Variants in LARGE1 observed in about 807,000 individuals in gnomAD.
LARGE1 encodes xylosyl- and glucuronyltransferase LARGE1.
LARGE1 carries 43 observed loss-of-function variants against 87.6 expected under a neutral mutation model. That is an observed-to-expected ratio of 0.49 (90% CI 0.38 to 0.63). The LOEUF is 0.63. LARGE1 is among the 30% of genes least tolerant of loss of function. LARGE1 has a pLI of 0.00. For missense variants in LARGE1, 802 were observed against 1,000.2 expected, an observed-to-expected ratio of 0.80 and a Z score of 2.67; for synonymous variants, 434 against 394.6, an observed-to-expected ratio of 1.10 and a Z score of -1.18.
chr22:33,301,558 G>A (rs5998861), intron 12 of LARGE1, among the ~76,000 whole-genome samples: 5,173 of 152,086 alleles, frequency 0.034, 258 homozygotes, highest in African/African-American at 0.12. Context: ...CCTTCCCTGC[G>A]TCCATAAAGC....
intron 2 of LARGE1, among the ~76,000 whole-genome samples, chr22:33,703,105 A>T (rs1185124251): frequency 6.6e-6 from 1 of 152,164 alleles, no homozygotes; most frequent in Non-Finnish European, 1.5e-5. Context: ...AAAACCAAAC[A>T]TCGCATGTTC....
chr22:33,821,989 C>A (rs1479550977), intron 1 of LARGE1, among the ~76,000 whole-genome samples: 1 of 138,724 alleles, frequency 7.2e-6, no homozygotes, highest in African/African-American at 2.8e-5. Flanking sequence ...GTTTCTATTG[C>A]GGGTATATTT....
At chr22:33,213,304 G>A (rs1177763396) in intron 11 of LARGE1, among the ~76,000 whole-genome samples, 1 of 152,192 alleles carries the variant, frequency 6.6e-6, no homozygotes, top group Non-Finnish European at 1.5e-5. Context: ...ATCTACCCAT[G>A]GTGAAGCTGC....
At chr22:33,889,509 C>T (rs1279928842) in intron 1 of LARGE1, among the ~76,000 whole-genome samples, 1 of 152,102 alleles carries the variant, frequency 6.6e-6, no homozygotes, top group East Asian at 1.9e-4. Context: ...TTCTTGGTCC[C>T]CTCTAAAGTC....
At chr22:33,885,137 G>A (rs553655354) in intron 1 of LARGE1, among the ~76,000 whole-genome samples, 6 of 152,310 alleles carry the variant, frequency 3.9e-5, no homozygotes, top group South Asian at 4.1e-4. Flanking sequence ...ATCCACATGC[G>A]CCAGAAAGTG....
chr22:33,567,389 C>T (rs1174611496), intron 5 of LARGE1, among the ~76,000 whole-genome samples: 2 of 152,228 alleles, frequency 1.3e-5, no homozygotes, highest in South Asian at 2.1e-4. Context: ...ATCCCTCTAT[C>T]TTATTCCATG....
chr22:33,912,191 T>C (rs1453585590), intron 1 of LARGE1, among the ~76,000 whole-genome samples: 1 of 152,110 alleles, frequency 6.6e-6, no homozygotes, highest in Admixed American at 6.5e-5. Flanking sequence ...ACATGAAGGA[T>C]CTACGCAACT....
rs540991986 is a variant in LARGE1 at position 33,843,033 on chromosome 22, C to T, written c.-83+76962G>A. ...GGGGGGGTCCTGTCTATGTTGTTCA[C>T]GTGGCCCTGGATTTCCATACTCCTA... On this transcript the variant is annotated intron_variant, in intron 1 of 14. Coordinates refer to ENST00000397394, the MANE Select transcript of LARGE1 (RefSeq NM_133642.5). Among the ~76,000 whole-genome samples the T allele has an allele frequency of 3.9e-5, 6 of 152,266 alleles. No individual in the cohort carries two copies. In the South Asian group the frequency reaches 1.2e-3, roughly 32 times the overall value.
chr22:33,821,939 G>A (rs73171915), intron 1 of LARGE1, among the ~76,000 whole-genome samples: 3,491 of 143,798 alleles, frequency 0.024, 63 homozygotes, highest in Middle Eastern at 0.053. Flanking sequence ...TTCCGTTTAA[G>A]TGACTTTTTT....
chr22:33,658,271 G>A (rs1479059072), intron 2 of LARGE1, among the ~76,000 whole-genome samples: 5 of 152,100 alleles, frequency 3.3e-5, no homozygotes, highest in African/African-American at 9.7e-5. Flanking sequence ...CTAGTTATCA[G>A]CATTTAAAAA....
At position 33,337,555 on chromosome 22, in the gene LARGE1, T is replaced by G. The variant is rs192959995; in HGVS notation, c.1287+91A>C. On this transcript the variant is annotated intron_variant, in intron 10 of 14. Coordinates refer to ENST00000397394, the MANE Select transcript of LARGE1 (RefSeq NM_133642.5). ...CGTTGTGTTCACCTAGGTCCTGCCA[T>G]GAGCCTGACATAGAGCCTGGCATGG... 1,684 of 1,484,170 alleles carry G rather than the reference T, an allele frequency of 1.1e-3. 14 individuals are homozygous for G. The highest frequency in any genetic ancestry group is 0.011 in the South Asian group (931 of 85,334). 91.9% of individuals were successfully genotyped at this position (1,484,170 alleles called of 1,614,324 possible).
At chr22:33,571,767 T>C (rs1198692692) in intron 5 of LARGE1, among the ~76,000 whole-genome samples, 1 of 152,146 alleles carries the variant, frequency 6.6e-6, no homozygotes, top group Non-Finnish European at 1.5e-5. Context: ...GTCCTTTTCC[T>C]TACCTCAACT....
chr22:33,426,116 A>G (rs1282387966), intron 7 of LARGE1, among the ~76,000 whole-genome samples: 1 of 152,172 alleles, frequency 6.6e-6, no homozygotes, highest in African/African-American at 2.4e-5. Flanking sequence ...AGAAAACGCT[A>G]GTCTAGGGGT....
At chr22:33,587,661 T>C (rs2078714983) in intron 5 of LARGE1, among the ~76,000 whole-genome samples, 1 of 152,136 alleles carries the variant, frequency 6.6e-6, no homozygotes, top group Non-Finnish European at 1.5e-5. Flanking sequence ...TTAATTTTGT[T>C]TCAGTTTATT....
At chr22:33,308,872 G>C (rs1415667069) in intron 11 of LARGE1, among the ~76,000 whole-genome samples, 1 of 152,102 alleles carries the variant, frequency 6.6e-6, no homozygotes, top group Non-Finnish European at 1.5e-5. Flanking sequence ...TGGATTTGAG[G>C]GTTAAATGAG....
chr22:33,527,449 C>A (rs1208126356), intron 6 of LARGE1, among the ~76,000 whole-genome samples: 2 of 152,162 alleles, frequency 1.3e-5, no homozygotes, highest in African/African-American at 4.8e-5. Flanking sequence ...CCAAGGCGAT[C>A]GGATTTATGT....
intron 1 of LARGE1, among the ~76,000 whole-genome samples, chr22:33,780,830 C>A (rs565289221): frequency 3.3e-5 from 5 of 152,312 alleles, no homozygotes; most frequent in African/African-American, 9.6e-5. Flanking sequence ...GAGTAAGTCT[C>A]AGGCACCCCG....
intron 11 of LARGE1, among the ~76,000 whole-genome samples, chr22:33,257,580 C>T (rs1470023010): frequency 1.3e-5 from 2 of 152,186 alleles, no homozygotes; most frequent in South Asian, 2.1e-4. Context: ...GGAGATAACG[C>T]ATCTGCCCAG....
intron 7 of LARGE1, among the ~76,000 whole-genome samples, chr22:33,387,010 A>C (rs943927986): frequency 3.4e-5 from 5 of 148,672 alleles, no homozygotes; most frequent in African/African-American, 9.8e-5. Flanking sequence ...AGGCTGAGGC[A>C]GGAGAAGTGC....
Sources: gnomAD v4.1 joint callset for allele counts (sites outside exome capture counted in the v4.1 genomes callset) on GRCh38, gnomAD v4.1.1 for gene constraint, MANE v1.5 for transcripts, NCBI Gene and HGNC (gene_info 2026-07-23, HGNC 2026-07-21) for gene names.